Variants in MAMLD1 observed in about 807,000 individuals in gnomAD.
MAMLD1 encodes the protein mastermind like domain containing 1, also known as mastermind-like domain-containing protein 1.
A neutral mutation model predicts 45.0 loss-of-function variants in MAMLD1; 14 were observed. The observed-to-expected ratio is 0.31, with a 90% CI of 0.21 to 0.49. The LOEUF (loss-of-function observed/expected upper bound fraction) is 0.49, where lower values mean the gene tolerates loss of function less well. MAMLD1 is among the 20% of genes least tolerant of loss of function. The probability of loss-of-function intolerance (pLI) is 0.99; values close to 1 mark genes in which losing one functional copy is unlikely to be tolerated. For missense variants in MAMLD1, 543 were observed against 603.6 expected, an observed-to-expected ratio of 0.90 and a Z score of 1.05; for synonymous variants, 254 against 247.8, an observed-to-expected ratio of 1.02 and a Z score of -0.24.
chrX:150,504,776 C>A (rs1271519541), intron 6 of MAMLD1: 6 of 747,542 alleles, frequency 8.0e-6, no homozygotes, highest in Non-Finnish European at 9.5e-6. Context: ...AGTGGCAGAG[C>A]AGATTTGTGG....
Position 150,512,616 on chromosome X carries a change from G to T in MAMLD1, c.*657G>T, listed in dbSNP as rs1243583890. 8.7e-7 allele frequency: 1 copy of T among 1,149,829 alleles called. No homozygotes were observed. Among genetic ancestry groups the T allele is most frequent in the African/African-American group, 1.8e-5 (1 of 55,831 alleles). 94.8% of individuals were successfully genotyped at this position (1,149,829 alleles called of 1,213,427 possible). On this transcript the variant is annotated 3_prime_UTR_variant, in exon 8 of 8. Transcript: ENST00000370401. ...AACCCCAGCTTCAGCCTGCTGGGCA[G>T]CCAGAGCCTCAGGCAGAGCCCGGTA... is the stretch of plus-strand genomic sequence containing the variant.
At chrX:150,430,753 G>C (rs2034910483) in intron 1 of MAMLD1, among the ~76,000 whole-genome samples, 1 of 112,014 alleles carries the variant, frequency 8.9e-6, no homozygotes, top group Non-Finnish European at 1.9e-5. Flanking sequence ...TTGCACTTTT[G>C]TCAAAAATCA....
At chrX:150,422,903 C>T (rs2034567057) in intron 1 of MAMLD1, among the ~76,000 whole-genome samples, 1 of 111,988 alleles carries the variant, frequency 8.9e-6, no homozygotes, top group South Asian at 3.7e-4. Context: ...CAGCACCACC[C>T]TGTCCAAGGG....
intron 4 of MAMLD1, among the ~76,000 whole-genome samples, chrX:150,472,637 A>G (rs987525456): frequency 8.9e-6 from 1 of 112,341 alleles, no homozygotes; most frequent in Admixed American, 9.4e-5. Context: ...AGTGAGCATG[A>G]GAGAGTGTGC....
At chrX:150,472,341 G>A (rs782552598) in intron 4 of MAMLD1, among the ~76,000 whole-genome samples, 2 of 112,167 alleles carry the variant, frequency 1.8e-5, no homozygotes, top group Non-Finnish European at 3.8e-5. Context: ...CGAACCATAT[G>A]CATACGTTAC....
chrX:150,434,272 T>C (rs1044112423), intron 1 of MAMLD1, among the ~76,000 whole-genome samples: 1 of 111,431 alleles, frequency 9.0e-6, no homozygotes, highest in Non-Finnish European at 1.9e-5. Context: ...TTTTTTATTA[T>C]ATTTATTTGG....
intron 2 of MAMLD1, among the ~76,000 whole-genome samples, chrX:150,447,551 T>C (rs2035530872): frequency 1.8e-5 from 2 of 111,534 alleles, no homozygotes; most frequent in African/African-American, 6.5e-5. Flanking sequence ...AGGTACCCAG[T>C]GCTAATATGA....
chrX:150,362,220 G>A (rs2031035320), upstream of MAMLD1, among the ~76,000 whole-genome samples: 1 of 111,665 alleles, frequency 9.0e-6, no homozygotes, highest in Non-Finnish European at 1.9e-5. Context: ...CCCACTGCAG[G>A]TGAGTGCCCC....
At chrX:150,397,348 A>G (rs186766901) in intron 1 of MAMLD1, among the ~76,000 whole-genome samples, 2 of 112,300 alleles carry the variant, frequency 1.8e-5, no homozygotes, top group East Asian at 5.6e-4. Context: ...GAGTCCTCCT[A>G]TTCAAGAGCA....
chrX:150,503,705 GC>G (rs1348203843), intron 6 of MAMLD1, among the ~76,000 whole-genome samples, 188 bp downstream of exon 6: 28 of 112,400 alleles, frequency 2.5e-4, no homozygotes, highest in African/African-American at 9.1e-4. Flanking sequence ...TCTACTTTCT[GC>G]CCGGCATTCT....
chrX:150,426,413 G>A (rs1414999490), intron 1 of MAMLD1, among the ~76,000 whole-genome samples: 1 of 112,116 alleles, frequency 8.9e-6, no homozygotes, highest in Non-Finnish European at 1.9e-5. Flanking sequence ...AATGGCCTTA[G>A]CCTCCTGGTC....
intron 1 of MAMLD1, among the ~76,000 whole-genome samples, chrX:150,376,681 C>G (rs1319494976): frequency 9.0e-6 from 1 of 111,486 alleles, no homozygotes; most frequent in South Asian, 3.9e-4. Flanking sequence ...TCCACCCCTG[C>G]CCCCAACATC....
chrX:150,406,319 A>T (rs1159639911), intron 1 of MAMLD1, among the ~76,000 whole-genome samples: 4 of 110,921 alleles, frequency 3.6e-5, no homozygotes, highest in African/African-American at 1.3e-4. Context: ...GAAAAAAAAA[A>T]GAAAGGAAAT....
At chrX:150,462,688 T>G in intron 2 of MAMLD1, 84 bp from the exon 3 acceptor site, 2 of 633,788 alleles carry the variant, frequency 3.2e-6, no homozygotes, top group Non-Finnish European at 5.4e-6. Flanking sequence ...CAGTCTGATC[T>G]GTGCCTCTCA....
intron 1 of MAMLD1, among the ~76,000 whole-genome samples, chrX:150,379,668 C>T (rs1392079940): frequency 8.9e-6 from 1 of 112,422 alleles, no homozygotes; most frequent in Non-Finnish European, 1.9e-5. Context: ...CTTTCCACCT[C>T]ATTCCACTCA....
At chrX:150,455,575 C>T (rs1220214745) in intron 2 of MAMLD1, among the ~76,000 whole-genome samples, 3 of 111,292 alleles carry the variant, frequency 2.7e-5, no homozygotes, top group African/African-American at 9.8e-5. Context: ...AACAAATTTA[C>T]GAAGGCTTTA....
chrX:150,398,337 A>AGAAGAAGAAGAAGAGGAAGAG (rs2033588884), intron 1 of MAMLD1, among the ~76,000 whole-genome samples: 3 of 52,307 alleles, frequency 5.7e-5, no homozygotes, highest in Non-Finnish European at 7.5e-5. Context: ...AAGAAGAAGA[A>AGAAGAAGAAGAAGAGGAAGAG]GAAGAGGAAG....
intron 2 of MAMLD1, among the ~76,000 whole-genome samples, chrX:150,450,191 A>G (rs2035616386): frequency 8.9e-6 from 1 of 112,391 alleles, no homozygotes; most frequent in Non-Finnish European, 1.9e-5. Flanking sequence ...TCATTCTGGT[A>G]GCTCTCTGGG....
chrX:150,417,919 CA>C (rs2034322220), intron 1 of MAMLD1, among the ~76,000 whole-genome samples: 1 of 111,251 alleles, frequency 9.0e-6, no homozygotes, highest in Non-Finnish European at 1.9e-5. Context: ...AGCACTTTGT[CA>C]GATGAGTAGT....
Sources: gnomAD v4.1 joint callset for allele counts (sites outside exome capture counted in the v4.1 genomes callset) on GRCh38, gnomAD v4.1.1 for gene constraint, MANE v1.5 for transcripts, NCBI Gene and HGNC (gene_info 2026-07-23, HGNC 2026-07-21) for gene names.